The following KCNQ5 variants were observed in gnomAD, a reference collection of about 807,000 sequenced individuals.
The protein encoded by KCNQ5 is potassium voltage-gated channel subfamily KQT member 5.
KCNQ5 carries 30 observed loss-of-function variants against 98.2 expected under a neutral mutation model. The ratio of observed to expected loss-of-function variants is 0.31; its 90% confidence interval spans 0.23 to 0.41. The LOEUF (loss-of-function observed/expected upper bound fraction) is 0.41, where lower values mean the gene tolerates loss of function less well. Ranked by LOEUF, KCNQ5 falls within the 10% of genes least tolerant of loss-of-function variation. The pLI is 1.00. For missense variants in KCNQ5, 835 were observed against 1,182.5 expected (o/e 0.71, Z 4.31); for synonymous variants, 458 against 449.4 (o/e 1.02, Z -0.24).
At chr6:73,030,432 A>G (rs766270417) in intron 2 of KCNQ5, among the ~76,000 whole-genome samples, 32 of 152,236 alleles carry the variant, frequency 2.1e-4, no homozygotes, top group Non-Finnish European at 3.8e-4. Flanking sequence ...ATGTGCACAG[A>G]AAGATGTGTT....
intron 1 of KCNQ5, among the ~76,000 whole-genome samples, chr6:72,877,220 G>A (rs754180066): frequency 3.3e-5 from 5 of 151,760 alleles, no homozygotes; most frequent in Non-Finnish European, 5.9e-5. Context: ...TCCTTGCCCC[G>A]ACCCCCCCGA....
chr6:72,720,602 T>C (rs751552641), intron 1 of KCNQ5, among the ~76,000 whole-genome samples: 1 of 152,212 alleles, frequency 6.6e-6, no homozygotes, highest in Non-Finnish European at 1.5e-5. Context: ...TCTGCTAACA[T>C]GTAGAATTCC....
At chr6:72,748,553 A>T (rs1051789824) in intron 1 of KCNQ5, among the ~76,000 whole-genome samples, 99 of 152,098 alleles carry the variant, frequency 6.5e-4, no homozygotes, top group African/African-American at 2.2e-3. Context: ...AAAGACTGTA[A>T]ATTCCTACAC....
intron 3 of KCNQ5, among the ~76,000 whole-genome samples, chr6:73,072,268 G>C (rs1773329856): frequency 6.6e-6 from 1 of 152,190 alleles, no homozygotes; most frequent in Non-Finnish European, 1.5e-5. Flanking sequence ...TACCTCGAGA[G>C]GGTTTATCTG....
At chr6:72,839,463 T>C (rs148362685) in intron 1 of KCNQ5, among the ~76,000 whole-genome samples, 3 of 152,326 alleles carry the variant, frequency 2.0e-5, no homozygotes, top group East Asian at 1.9e-4. Flanking sequence ...GTTTGTCAAA[T>C]AATTTTGAAT....
chr6:72,880,320 C>T (rs867148308), intron 1 of KCNQ5, among the ~76,000 whole-genome samples: 1 of 152,178 alleles, frequency 6.6e-6, no homozygotes, highest in African/African-American at 2.4e-5. Context: ...CTTTCTGGCT[C>T]ATAGATGAAA....
At chr6:73,112,775 T>TGGGGAAAGAAGGGGGCAGTATGGTTCA (rs879397678) in intron 7 of KCNQ5, among the ~76,000 whole-genome samples, 194 of 152,232 alleles carry the variant, frequency 1.3e-3, no homozygotes, top group South Asian at 4.6e-3. Context: ...GACATGGAGC[T>TGGGGAAAGAAGGGGGCAGTATGGTTCA]GGGGAAAGAA....
intron 1 of KCNQ5, among the ~76,000 whole-genome samples, chr6:72,671,829 T>C (rs1338859196): frequency 6.6e-6 from 1 of 152,004 alleles, no homozygotes; most frequent in Admixed American, 6.6e-5. Flanking sequence ...TTTTTTTTTC[T>C]TTTTTGAGAT....
intron 1 of KCNQ5, among the ~76,000 whole-genome samples, chr6:72,766,792 G>T (rs1772595837): frequency 6.6e-6 from 1 of 151,906 alleles, no homozygotes; most frequent in African/African-American, 2.4e-5. Context: ...GTTTGCATTT[G>T]GGCATGTTAA....
intron 1 of KCNQ5, among the ~76,000 whole-genome samples, chr6:72,877,047 T>C (rs1022136863): frequency 6.6e-6 from 1 of 152,200 alleles, no homozygotes; most frequent in Non-Finnish European, 1.5e-5. Flanking sequence ...CTCACCCATT[T>C]TTTTTTAATT....
intron 1 of KCNQ5, among the ~76,000 whole-genome samples, chr6:72,648,445 T>A (rs1309494529): frequency 6.6e-6 from 1 of 152,176 alleles, no homozygotes; most frequent in Non-Finnish European, 1.5e-5. Flanking sequence ...CATGAATCTA[T>A]ATTGATATAT....
At chr6:72,927,865 A>G (rs185245300) in intron 1 of KCNQ5, among the ~76,000 whole-genome samples, 1 of 152,098 alleles carries the variant, frequency 6.6e-6, no homozygotes, top group Admixed American at 6.6e-5. Flanking sequence ...ATAATTCTGG[A>G]CTCACAGATC....
intron 1 of KCNQ5, among the ~76,000 whole-genome samples, chr6:72,636,443 T>C (rs1431859727): frequency 1.3e-5 from 2 of 152,144 alleles, no homozygotes; most frequent in Non-Finnish European, 2.9e-5. Context: ...TGGTTGAAAA[T>C]GTTTCCAAAG....
chr6:72,802,812 T>C (rs1774731561), intron 1 of KCNQ5, among the ~76,000 whole-genome samples: 1 of 152,150 alleles, frequency 6.6e-6, no homozygotes, highest in African/African-American at 2.4e-5. Flanking sequence ...CCGAGACAAT[T>C]ACACTGCATT....
chr6:73,096,122 A>G (rs984543227), intron 5 of KCNQ5, among the ~76,000 whole-genome samples: 2 of 152,044 alleles, frequency 1.3e-5, no homozygotes, highest in Non-Finnish European at 2.9e-5. Context: ...AGAGTCCCAA[A>G]ATTGAAGAAC....
chr6:72,648,199 C>G (rs1003570374), intron 1 of KCNQ5, among the ~76,000 whole-genome samples: 3 of 152,118 alleles, frequency 2.0e-5, no homozygotes, highest in Non-Finnish European at 1.5e-5. Context: ...GAGCCTTTGA[C>G]GTTGGAAGAA....
intron 1 of KCNQ5, among the ~76,000 whole-genome samples, chr6:72,796,662 G>A (rs1774351370): frequency 6.6e-6 from 1 of 152,192 alleles, no homozygotes; most frequent in South Asian, 2.1e-4. Context: ...CTAGTGGCCA[G>A]ACTCTTCATT....
chr6:72,700,117 G>A (rs746524261), intron 1 of KCNQ5, among the ~76,000 whole-genome samples: 2 of 152,090 alleles, frequency 1.3e-5, no homozygotes, highest in Non-Finnish European at 2.9e-5. Context: ...AAAGTTATAT[G>A]TTTTGTCATG....
chr6:72,652,109 A>G (rs940877177), intron 1 of KCNQ5, among the ~76,000 whole-genome samples: 7 of 151,790 alleles, frequency 4.6e-5, no homozygotes, highest in African/African-American at 9.7e-5. Flanking sequence ...CTTTCATGGG[A>G]TCTATATCTA....
Sources: allele counts gnomAD v4.1 joint callset (sites outside exome capture counted in the v4.1 genomes callset), GRCh38; gene constraint gnomAD v4.1.1; transcripts MANE v1.5; gene names NCBI Gene and HGNC (gene_info 2026-07-23, HGNC 2026-07-21).